JARID2: variants seen among roughly 807,000 people sequenced by gnomAD.
The protein encoded by JARID2 is protein Jumonji.
JARID2 carries 21 observed loss-of-function variants against 125.6 expected under a neutral mutation model. The observed-to-expected ratio is 0.17, with a 90% CI of 0.12 to 0.24. The LOEUF is 0.24. Ranked by LOEUF, JARID2 falls within the 10% of genes least tolerant of loss-of-function variation. The probability of loss-of-function intolerance (pLI) is 1.00; values close to 1 mark genes in which losing one functional copy is unlikely to be tolerated. For synonymous variants in JARID2, 736 were observed against 661.6 expected, an observed-to-expected ratio of 1.11 and a Z score of -1.73; for missense variants, 1,303 against 1,639.6, an observed-to-expected ratio of 0.79 and a Z score of 3.55.
chr6:15,391,405 A>G (rs561312253), intron 2 of JARID2, among the ~76,000 whole-genome samples: 1 of 152,188 alleles, frequency 6.6e-6, no homozygotes, highest in Admixed American at 6.5e-5. Flanking sequence ...CAGAGCCAGC[A>G]TGTGGCATGT....
intron 1 of JARID2, among the ~76,000 whole-genome samples, chr6:15,285,643 G>C (rs934911874): frequency 1.3e-5 from 2 of 152,100 alleles, no homozygotes; most frequent in African/African-American, 4.8e-5. Flanking sequence ...CTTTGAAATT[G>C]CTTTTTATTC....
chr6:15,248,914 A>G (rs1581319505), intron 1 of JARID2: 2 of 985,584 alleles, frequency 2.0e-6, no homozygotes, highest in Non-Finnish European at 2.4e-6. Flanking sequence ...AAGAGGAGGA[A>G]GATGCGCTCG....
intron 1 of JARID2, among the ~76,000 whole-genome samples, chr6:15,306,054 C>T (rs914599611): frequency 1.3e-5 from 2 of 152,176 alleles, no homozygotes; most frequent in African/African-American, 2.4e-5. Context: ...TCTTTCTAAA[C>T]GTCAGATTTT....
At chr6:15,342,946 G>C (rs1254463885) in intron 1 of JARID2, among the ~76,000 whole-genome samples, 1 of 152,178 alleles carries the variant, frequency 6.6e-6, no homozygotes, top group East Asian at 1.9e-4. Flanking sequence ...AGTGGCTCAC[G>C]CCTGTAATCC....
At chr6:15,287,234 A>G (rs1215952776) in intron 1 of JARID2, among the ~76,000 whole-genome samples, 2 of 152,234 alleles carry the variant, frequency 1.3e-5, no homozygotes, top group African/African-American at 2.4e-5. Flanking sequence ...TGCTTTTGCA[A>G]TCGGGTGAAA....
At chr6:15,405,450 GCAGGCACAGTAAC>G (rs1765611206) in intron 2 of JARID2, among the ~76,000 whole-genome samples, 1 of 152,210 alleles carries the variant, frequency 6.6e-6, no homozygotes, top group Admixed American at 6.5e-5. Flanking sequence ...AGCTGAGGTT[GCAGGCACAGTAAC>G]CAAGCTGCCT....
chr6:15,400,048 A>T (rs1261469894), intron 2 of JARID2, among the ~76,000 whole-genome samples: 4 of 152,088 alleles, frequency 2.6e-5, no homozygotes, highest in Admixed American at 6.5e-5. Flanking sequence ...CCTCAGTTGG[A>T]CTCCTGCCTT....
chr6:15,437,880 C>A (rs1767278706), intron 3 of JARID2, among the ~76,000 whole-genome samples: 1 of 151,942 alleles, frequency 6.6e-6, no homozygotes, highest in South Asian at 2.1e-4. Flanking sequence ...CAAATAAATT[C>A]TTAGAAGAGG....
rs1438899044 is a variant in JARID2 at position 15,246,456 on chromosome 6, C to G, written c.-84C>G. ...CCACCACCAACAACAATAAAAACCA[C>G]CAGGATATTTTTTTGCAAATTTCTG... On this transcript the variant is annotated 5_prime_UTR_variant, in exon 1 of 18. Coordinates refer to ENST00000341776, the MANE Select transcript of JARID2 (RefSeq NM_004973.4). 8.8e-7 allele frequency: 1 copy of G among 1,142,050 alleles called. No homozygotes were observed. Among genetic ancestry groups the G allele is most frequent in the African/African-American group, 1.5e-5 (1 of 64,550 alleles). 70.7% of individuals were successfully genotyped at this position (1,142,050 alleles called of 1,614,324 possible).
chr6:15,500,812 A>G, intron 7 of JARID2, 95 bp from the exon 8 acceptor site: 8 of 1,077,874 alleles, frequency 7.4e-6, no homozygotes, highest in Non-Finnish European at 9.5e-6. Context: ...GTCCTGGCTC[A>G]TAGTAGGAGT....
intron 2 of JARID2, among the ~76,000 whole-genome samples, chr6:15,407,033 C>T (rs943594983): frequency 1.3e-5 from 2 of 151,432 alleles, no homozygotes; most frequent in Admixed American, 1.3e-4. Context: ...TCGAAATGGG[C>T]GAGGATTACT....
intron 2 of JARID2, among the ~76,000 whole-genome samples, chr6:15,399,834 G>C (rs921236567): frequency 6.6e-6 from 1 of 152,250 alleles, no homozygotes; most frequent in African/African-American, 2.4e-5. Context: ...CCAGTGCCAT[G>C]TGGACTTGGC....
rs544866295 is a variant in JARID2, at chr6:15,381,836, C to A, written c.181+7584C>A. Among the ~76,000 whole-genome samples the A allele has an allele frequency of 2.0e-5, 3 of 152,246 alleles. No individual in the cohort carries two copies. In the South Asian group the frequency reaches 6.2e-4, roughly 32 times the overall value. ...TCTAAGATGTCATTGAGTGATGCAC[C>A]ATTATGTTATGTATCAGTAAGCAAG... On this transcript the variant is annotated intron_variant, in intron 2 of 17. Coordinates refer to ENST00000341776, the MANE Select transcript of JARID2 (RefSeq NM_004973.4).
chr6:15,503,470 C>T (rs1437570597), intron 8 of JARID2, among the ~76,000 whole-genome samples: 1 of 152,134 alleles, frequency 6.6e-6, no homozygotes, highest in Admixed American at 6.5e-5. Flanking sequence ...CTGTTGTGGC[C>T]CTATCACTTC....
intron 1 of JARID2, among the ~76,000 whole-genome samples, chr6:15,284,219 A>T (rs1476109170): frequency 6.6e-6 from 1 of 152,078 alleles, no homozygotes; most frequent in Admixed American, 6.5e-5. Flanking sequence ...CCATCACCCT[A>T]CCCACTAAAT....
chr6:15,261,863 G>T (rs995721614), intron 1 of JARID2, among the ~76,000 whole-genome samples: 1 of 142,796 alleles, frequency 7.0e-6, no homozygotes, highest in African/African-American at 2.6e-5. Context: ...GGCTCACCAC[G>T]ACCTCCACCT....
intron 1 of JARID2, among the ~76,000 whole-genome samples, chr6:15,350,123 G>C (rs1354766653): frequency 6.6e-6 from 1 of 152,146 alleles, no homozygotes; most frequent in Non-Finnish European, 1.5e-5. Context: ...TTAACACGCG[G>C]CTGGAATTTG....
chr6:15,403,786 AC>A (rs1765537363), intron 2 of JARID2, among the ~76,000 whole-genome samples: 1 of 152,162 alleles, frequency 6.6e-6, no homozygotes, highest in African/African-American at 2.4e-5. Context: ...TTGTTGATTT[AC>A]AAATCAGTAT....
intron 7 of JARID2, among the ~76,000 whole-genome samples, chr6:15,498,475 G>A (rs981261061): frequency 7.2e-5 from 11 of 152,306 alleles, no homozygotes; most frequent in African/African-American, 2.6e-4. Flanking sequence ...AACTTGCCTT[G>A]TTAAGGCTAA....
Sources: gnomAD v4.1 joint callset for allele counts (sites outside exome capture counted in the v4.1 genomes callset) on GRCh38, gnomAD v4.1.1 for gene constraint, MANE v1.5 for transcripts, NCBI Gene and HGNC (gene_info 2026-07-23, HGNC 2026-07-21) for gene names.